The following FGFRL1 variants were observed in gnomAD, a reference collection of about 807,000 sequenced individuals.
FGFRL1 encodes fibroblast growth factor receptor-like 1.
FGFRL1 carries 24 observed loss-of-function variants against 36.8 expected under a neutral mutation model. The ratio of observed to expected loss-of-function variants is 0.65; its 90% CI spans 0.47 to 0.92. FGFRL1 has a LOEUF of 0.92. FGFRL1 is among the 40% of genes least tolerant of loss of function. FGFRL1 has a pLI of 0.00. For synonymous variants in FGFRL1, 422 were observed against 344.1 expected (o/e 1.23, Z -2.50); for missense variants, 785 against 753.4 (o/e 1.04, Z -0.49).
At chr4:1,024,746 GC>G in intron 6 of FGFRL1, 82 bp downstream of exon 6, 11 of 1,455,028 alleles carry the variant, frequency 7.6e-6, no homozygotes, top group Non-Finnish European at 1.0e-5. Flanking sequence ...ACCGGGTGGG[GC>G]CCCACCCTTC....
chr4:1,019,857 C>T (rs187488573), intron 2 of FGFRL1, among the ~76,000 whole-genome samples: 1 of 152,172 alleles, frequency 6.6e-6, no homozygotes, highest in East Asian at 1.9e-4. Flanking sequence ...TGGGATGGGC[C>T]GGGTGAGCCA....
At chr4:1,021,714 G>A (rs907759542) in intron 2 of FGFRL1, among the ~76,000 whole-genome samples, 2 of 152,140 alleles carry the variant, frequency 1.3e-5, no homozygotes, top group African/African-American at 2.4e-5. Context: ...GTGGGAATTA[G>A]GTGAGGGGCC....
At chr4:1,021,880 C>T (rs534148062) in intron 2 of FGFRL1, among the ~76,000 whole-genome samples, 23 of 152,356 alleles carry the variant, frequency 1.5e-4, no homozygotes, top group African/African-American at 5.3e-4. Context: ...AGTTACCAAG[C>T]GCAGCTGTTT....
rs761720392 is a variant in FGFRL1, at chr4:1,025,381, C to G, written c.*34C>G. 4.4e-5 allele frequency: 66 copies of G among 1,512,708 alleles called. No individual in the cohort carries two copies. The Middle Eastern group carries it at 5.1e-4, about 12-fold the overall frequency. 93.7% of individuals were successfully genotyped at this position (1,512,708 alleles called of 1,614,324 possible). ...GTATCTGCAGTGGGCACGGGGGGGCCGGCCAGACAGGCAGACTGGGAGGAT... is the reference window on the plus strand; with the variant it reads ...GTATCTGCAGTGGGCACGGGGGGGCGGGCCAGACAGGCAGACTGGGAGGAT... On this transcript the variant is annotated 3_prime_UTR_variant, in exon 7 of 7. Coordinates refer to ENST00000510644, the MANE Select transcript of FGFRL1 (RefSeq NM_001004356.3).
intron 2 of FGFRL1, among the ~76,000 whole-genome samples, chr4:1,018,415 G>C (rs916901801): frequency 6.6e-6 from 1 of 152,222 alleles, no homozygotes; most frequent in African/African-American, 2.4e-5. Flanking sequence ...CTGCCTCCGA[G>C]TCTAGTCCTC....
At chr4:1,012,194 T>A (rs1715624580) in intron 1 of FGFRL1, 2 of 311,872 alleles carry the variant, frequency 6.4e-6, no homozygotes, top group Non-Finnish European at 1.2e-5. Context: ...GCGCTGAGTG[T>A]TGTGTGTCCT....
Position 1,023,819 on chromosome 4 carries a change from C to G in FGFRL1, c.436C>G (p.Arg146Gly). ...CTCCACGCCACCCCACCCCGCAGCA[C>G]GACCGCGCTTCACACAGCCCTCCAA... ...QEDPASQQWA[R>G]PRFTQPSKMR... is the part of the protein sequence containing the mutation. Residue 146 changes from arginine (R) to glycine (G), a missense_variant and splice_region_variant, in exon 5 of 7, where the codon CGA becomes GGA. Transcript: ENST00000510644. This position sits in a 1 kb window ranked among gnomAD's most constrained non-coding sequence, Gnocchi z 6.0. 1 of 1,577,480 alleles carries G rather than the reference C, an allele frequency of 6.3e-7. No individual in the cohort carries two copies. Among genetic ancestry groups the G allele is most frequent in the South Asian group, 1.1e-5 (1 of 87,330 alleles).
At chr4:1,011,358 C>T (rs1425328954), upstream of FGFRL1, 6 of 114,924 alleles carry the variant, frequency 5.2e-5, no homozygotes, top group Non-Finnish European at 8.9e-5. Context: ...CAAGGGCGCG[C>T]GGGCGGGGCC....
chr4:1,022,260 C>G lies in FGFRL1; in HGVS notation c.137C>G (p.Thr46Ser), dbSNP rs1433179711. ...CGGCAGGTGGCCCGGCTGGGCCGCA[C>G]TGTGCGGCTGCAGTGCCCAGTGGAG... ...VPRQVARLGR[T>S]VRLQCPVEGD... The change falls in exon 3 of 7, where the codon ACT becomes AGT. Residue 46 changes from threonine (T) to serine (S), a missense_variant. Transcript: ENST00000510644. 3.2e-6 allele frequency: 5 copies of G among 1,585,850 alleles called. No homozygotes were observed. The South Asian group carries it at 4.5e-5, about 14-fold the overall frequency.
chr4:1,024,185 GCTGGTGGGCGGGGGCA>G lies in FGFRL1; in HGVS notation c.718+89_718+104del, dbSNP rs1434759659. ...GGCGGGGGTGCTGGTGGGCGGGGGC[GCTGGTGGGCGGGGGCA>G]CTGGCAGGGCTTGGGGGTGGTGGGC... On this transcript the variant is annotated intron_variant, in intron 5 of 6. Transcript: ENST00000510644. 8.0e-6 allele frequency: 9 copies of G among 1,130,232 alleles called. No homozygotes were observed. In the African/African-American group the frequency reaches 8.6e-5, roughly 11 times the overall value. The allele number at this position is 1,130,232 out of a possible 1,614,324, so 70.0% of individuals were successfully genotyped here. A position where few individuals can be genotyped will look rare whatever the true frequency, so the allele number is the denominator to read the frequency against.
chr4:1,014,748 C>T (rs936666617), intron 2 of FGFRL1, among the ~76,000 whole-genome samples: 2 of 152,236 alleles, frequency 1.3e-5, no homozygotes, highest in Non-Finnish European at 2.9e-5. Flanking sequence ...CCGTGTGCAG[C>T]GGGCTGAGGT....
chr4:1,015,037 G>T (rs561850627), intron 2 of FGFRL1, among the ~76,000 whole-genome samples: 1 of 152,166 alleles, frequency 6.6e-6, no homozygotes, highest in African/African-American at 2.4e-5. Flanking sequence ...TTCCCCAGTC[G>T]TGGCCTCCAG....
In FGFRL1 at chr4:1,011,713, C is replaced by T. The variant is rs1382233845; in HGVS notation, c.-258C>T. 1 of 144,670 alleles carries T rather than the reference C, an allele frequency of 6.9e-6. No homozygotes were observed. Among genetic ancestry groups the T allele is most frequent in the Non-Finnish European group, 1.5e-5 (1 of 64,922 alleles). 9.0% of individuals were successfully genotyped at this position (144,670 alleles called of 1,614,324 possible). On this transcript the variant is annotated 5_prime_UTR_variant, in exon 1 of 7. Coordinates refer to ENST00000510644, the MANE Select transcript of FGFRL1 (RefSeq NM_001004356.3). ...CGCCGCCCCGGGATCCCGGCCCCGGCCCCCGGCCCCGCGGACTCGCCCCCG... is the reference window on the plus strand; with the variant it reads ...CGCCGCCCCGGGATCCCGGCCCCGGTCCCCGGCCCCGCGGACTCGCCCCCG...
rs1716422290 is a variant in FGFRL1 at position 1,024,941 on chromosome 4, C to T, written c.1109C>T (p.Ser370Phe). 1.2e-6 allele frequency: 2 copies of T among 1,604,100 alleles called. No individual in the cohort carries two copies. Among genetic ancestry groups the T allele is most frequent in the African/African-American group, 2.7e-5 (2 of 74,896 alleles). Residue 370 changes from serine (S) to phenylalanine (F), a missense_variant, in exon 7 of 7, where the codon TCC (serine) becomes TTC (phenylalanine). Transcript: ENST00000510644. ...KPPGPPVASSSSATSLPWPVV... is the reference protein window; with the variant it reads ...KPPGPPVASSFSATSLPWPVV... Reference sequence around the variant, plus strand: ...CCAGGGCCACCTGTGGCCTCCTCGTCCTCGGCCACTAGCCTGCCGTGGCCC... The same window carrying T: ...CCAGGGCCACCTGTGGCCTCCTCGTTCTCGGCCACTAGCCTGCCGTGGCCC...
chr4:1,018,975 C>G (rs1716034843), intron 2 of FGFRL1, among the ~76,000 whole-genome samples: 1 of 152,180 alleles, frequency 6.6e-6, no homozygotes, highest in Non-Finnish European at 1.5e-5. Context: ...GCTGCCTCTG[C>G]CCGTGCCTAC....
chr4:1,015,571 C>T (rs1473743933), intron 2 of FGFRL1, among the ~76,000 whole-genome samples: 1 of 152,220 alleles, frequency 6.6e-6, no homozygotes, highest in African/African-American at 2.4e-5. Flanking sequence ...GGGTGGGGGT[C>T]TCCTTCCAGG....
intron 2 of FGFRL1, among the ~76,000 whole-genome samples, chr4:1,017,260 C>T (rs1418799664): frequency 2.0e-5 from 3 of 149,098 alleles, no homozygotes; most frequent in African/African-American, 7.3e-5. Flanking sequence ...TCGCAGGCAT[C>T]CTCACTCCAC....
chr4:1,025,266 C>G lies in FGFRL1; in HGVS notation c.1434C>G (p.Ile478Met). 6.9e-7 allele frequency: 1 copy of G among 1,438,948 alleles called. No individual in the cohort carries two copies. Among genetic ancestry groups the G allele is most frequent in the South Asian group, 1.2e-5 (1 of 83,346 alleles). The allele number at this position is 1,438,948 out of a possible 1,614,324, so 89.1% of individuals were successfully genotyped here. A position where few individuals can be genotyped will look rare whatever the true frequency, so the allele number is the denominator to read the frequency against. The part of the protein sequence containing the change: ...PKLYPKLYTD[I>M]HTHTHTHSHT... ...TGTACCCCAAACTCTACACAGACAT[C>G]CACACACACACACACACACACTCTC... Residue 478 changes from isoleucine (I) to methionine (M), a missense_variant, in exon 7 of 7, where the codon ATC (isoleucine) becomes ATG (methionine). Ile to Met is a conservative substitution (Grantham distance 10). Transcript: ENST00000510644.
rs1410341137 is a variant in FGFRL1, at chr4:1,025,373, G to C, written c.*26G>C. 3.3e-6 allele frequency: 5 copies of C among 1,517,182 alleles called. No individual in the cohort carries two copies. Among genetic ancestry groups the C allele is most frequent in the Non-Finnish European group, 4.4e-6 (5 of 1,125,208 alleles). 94.0% of individuals were successfully genotyped at this position (1,517,182 alleles called of 1,614,324 possible). Reference sequence around the variant, plus strand: ...ACGGCACCGTATCTGCAGTGGGCACGGGGGGGCCGGCCAGACAGGCAGACT... The same window carrying C: ...ACGGCACCGTATCTGCAGTGGGCACCGGGGGGCCGGCCAGACAGGCAGACT... On this transcript the variant is annotated 3_prime_UTR_variant, in exon 7 of 7. Transcript: ENST00000510644.
Sources: gnomAD v4.1 joint callset for allele counts (sites outside exome capture counted in the v4.1 genomes callset) on GRCh38, gnomAD v4.1.1 for gene constraint, Gnocchi (gnomAD v3.1) non-coding constraint, MANE v1.5 for transcripts, NCBI Gene and HGNC (gene_info 2026-07-23, HGNC 2026-07-21) for gene names.